The following YIPF1 variants were observed in gnomAD, a reference collection of about 807,000 sequenced individuals.
YIPF1 encodes protein YIPF1.
In YIPF1, 22 loss-of-function variants were observed where a neutral mutation model predicts 37.0. The observed-to-expected ratio is 0.59, with a 90% CI of 0.42 to 0.85. The LOEUF is 0.85. Ranked by LOEUF, YIPF1 falls within the 40% of genes least tolerant of loss-of-function variation. The probability of loss-of-function intolerance (pLI) is 0.00; values close to 1 mark genes in which losing one functional copy is unlikely to be tolerated. For missense variants in YIPF1, 355 were observed against 373.1 expected (o/e 0.95, Z 0.40); for synonymous variants, 128 against 131.9 (o/e 0.97, Z 0.21).
rs541413210 is a variant in YIPF1, at chr1:53,860,154, C to T, written c.832-1G>A. The stretch of plus-strand genomic sequence containing the variant: ...TCTCTGGTGCATCAAAAAAGTATGC[C>T]TGTGGGGAAAAAAAGACCCAGGAGG... On this transcript the variant is annotated splice_acceptor_variant, in intron 9 of 10. Transcript: ENST00000072644. LOFTEE classifies it high-confidence loss of function. 3 of 1,613,514 alleles carry T rather than the reference C, an allele frequency of 1.9e-6. No individual in the cohort carries two copies. Among genetic ancestry groups the T allele is most frequent in the Non-Finnish European group, 2.5e-6 (3 of 1,179,864 alleles).
intron 3 of YIPF1, among the ~76,000 whole-genome samples, chr1:53,883,872 C>T (rs1285958659): frequency 2.0e-5 from 3 of 152,044 alleles, no homozygotes; most frequent in Admixed American, 2.0e-4. Context: ...GCTGTCTCTA[C>T]TAAAAATACA....
intron 7 of YIPF1, 23 bp downstream of exon 7, chr1:53,871,349 A>G (rs372779690): frequency 1.6e-5 from 26 of 1,601,054 alleles, no homozygotes; most frequent in Non-Finnish European, 2.1e-5. Flanking sequence ...CAGCATTCCA[A>G]ATGAGTCAAG....
chr1:53,869,802 T>C (rs1399769632), intron 7 of YIPF1, among the ~76,000 whole-genome samples: 1 of 151,650 alleles, frequency 6.6e-6, no homozygotes, highest in Admixed American at 6.6e-5. Context: ...CACAAGCCCA[T>C]CCCTAGGACA....
At chr1:53,883,088 A>G in intron 4 of YIPF1, 25 bp downstream of exon 4, 1 of 1,544,416 alleles carries the variant, frequency 6.5e-7, no homozygotes, top group African/African-American at 1.4e-5. Context: ...ATTGTTTAAA[A>G]AATATCTCAA....
intron 4 of YIPF1, chr1:53,882,899 T>G (rs1569652998): frequency 2.3e-6 from 1 of 432,174 alleles, no homozygotes; most frequent in Admixed American, 4.5e-5. Flanking sequence ...TAAGCTAGGA[T>G]CTCTGCTCAC....
chr1:53,864,793 C>T lies in YIPF1; in HGVS notation c.831+1407G>A, dbSNP rs535366693. ...GCACAGTGTACAGAAGACACAAAAC[C>T]ATGTCTCCTTAGGATCAAAGGAAAG... On this transcript the variant is annotated intron_variant, in intron 9 of 10. Transcript: ENST00000072644. Among the ~76,000 whole-genome samples the T allele has an allele frequency of 2.6e-5, 4 of 152,232 alleles. No homozygotes were observed. In the East Asian group the frequency reaches 7.7e-4, roughly 29 times the overall value.
intron 4 of YIPF1, among the ~76,000 whole-genome samples, chr1:53,880,099 GA>G: frequency 6.6e-6 from 1 of 152,076 alleles, no homozygotes; most frequent in East Asian, 1.9e-4. Flanking sequence ...ATTCAAATAG[GA>G]AGAGAGTAAG....
chr1:53,883,927 T>C (rs2015011), intron 3 of YIPF1, among the ~76,000 whole-genome samples: 94,279 of 152,016 alleles, frequency 0.62, 29,846 homozygotes, highest in East Asian at 0.86. Flanking sequence ...ATCCCAGTTA[T>C]GCTGGAGGCT....
intron 4 of YIPF1, among the ~76,000 whole-genome samples, chr1:53,882,498 C>A (rs1650528580): frequency 1.3e-5 from 2 of 151,490 alleles, no homozygotes; most frequent in Non-Finnish European, 2.9e-5. Flanking sequence ...CACTCTGTTG[C>A]CGAGGCTGGA....
chr1:53,866,066 T>C, intron 9 of YIPF1, 134 bp downstream of exon 9: 4 of 1,159,348 alleles, frequency 3.5e-6, no homozygotes, highest in Non-Finnish European at 4.7e-6. Context: ...TCCCAAAGTA[T>C]TGGGATTATG....
At chr1:53,857,778 G>A (rs1482308010) in intron 10 of YIPF1, among the ~76,000 whole-genome samples, 5 of 152,022 alleles carry the variant, frequency 3.3e-5, no homozygotes, top group African/African-American at 1.2e-4. Flanking sequence ...TCAGGAGTTC[G>A]AGACCAGCCT....
Sources: gnomAD v4.1 joint callset for allele counts (sites outside exome capture counted in the v4.1 genomes callset) on GRCh38, gnomAD v4.1.1 for gene constraint, MANE v1.5 for transcripts, NCBI Gene and HGNC (gene_info 2026-07-23, HGNC 2026-07-21) for gene names.